Variants in RARB observed in about 807,000 individuals in gnomAD.
RARB encodes the protein HBV-activated protein.
A neutral mutation model predicts 51.9 loss-of-function variants in RARB; 17 were observed. The observed-to-expected ratio is 0.33, with a 90% CI of 0.22 to 0.49. The LOEUF is 0.49. RARB is among the 20% of genes least tolerant of loss of function. The probability of loss-of-function intolerance (pLI) is 0.99; values close to 1 mark genes in which losing one functional copy is unlikely to be tolerated. For synonymous variants in RARB, 215 were observed against 195.4 expected, an observed-to-expected ratio of 1.10 and a Z score of -0.84; for missense variants, 369 against 550.8, an observed-to-expected ratio of 0.67 and a Z score of 3.30.
At chr3:25,564,663 ATCTTG>A (rs1481525058) in intron 3 of RARB, among the ~76,000 whole-genome samples, 1 of 152,130 alleles carries the variant, frequency 6.6e-6, no homozygotes, top group Non-Finnish European at 1.5e-5. Flanking sequence ...TGTGGGTCGG[ATCTTG>A]TATTAAGCCC....
intron 2 of RARB, among the ~76,000 whole-genome samples, chr3:24,939,636 G>A (rs1387308041): frequency 1.3e-5 from 2 of 152,166 alleles, no homozygotes; most frequent in African/African-American, 4.8e-5. Context: ...CTCATATACA[G>A]CACATTTTGG....
At chr3:24,971,563 C>T (rs571981490) in intron 2 of RARB, among the ~76,000 whole-genome samples, 9 of 152,006 alleles carry the variant, frequency 5.9e-5, no homozygotes, top group South Asian at 4.2e-4. Flanking sequence ...TCTTTAAATG[C>T]CAAAGCTAAG....
intron 5 of RARB, among the ~76,000 whole-genome samples, chr3:25,176,082 T>C (rs1033111060): frequency 6.6e-6 from 1 of 152,174 alleles, no homozygotes; most frequent in African/African-American, 2.4e-5. Flanking sequence ...TCAACTGGCC[T>C]GACAGCACAT....
chr3:25,381,952 A>G (rs1006246320), intron 5 of RARB, among the ~76,000 whole-genome samples: 17 of 152,106 alleles, frequency 1.1e-4, no homozygotes, highest in Non-Finnish European at 2.2e-4. Flanking sequence ...CTCCATCTCA[A>G]TCCCTCACCA....
Position 25,154,943 on chromosome 3 carries a change from C to T in RARB, c.-279-19176C>T, listed in dbSNP as rs144536085. ...AGGGGTGGCATGAGCATGGCTTTTACTTTTGTATTCCAACATCCAATGTAG... is the reference window on the plus strand; with the variant it reads ...AGGGGTGGCATGAGCATGGCTTTTATTTTTGTATTCCAACATCCAATGTAG... On this transcript the variant is annotated intron_variant, in intron 4 of 11. Transcript: ENST00000383772. Among the ~76,000 whole-genome samples the T allele has an allele frequency of 2.1e-3, 322 of 152,282 alleles. 2 individuals carry two copies. Among genetic ancestry groups the T allele is most frequent in the East Asian group, 0.02 (106 of 5,182 alleles).
intron 3 of RARB, among the ~76,000 whole-genome samples, chr3:25,566,631 G>C (rs961575423): frequency 3.3e-5 from 5 of 152,124 alleles, no homozygotes; most frequent in African/African-American, 4.8e-5. Flanking sequence ...GCTTGGTTCA[G>C]TTACTTCATG....
Position 24,866,426 on chromosome 3 carries a change from AC to A in RARB, c.-380+7677del, listed in dbSNP as rs145933926. On this transcript the variant is annotated intron_variant, in intron 2 of 11. Coordinates refer to the RARB transcript ENST00000383772. ...ATGTATACAGGGAAAGAAGCTAATG[AC>A]CCGTTGTAACACAAGGCAAGGCACT... Among the ~76,000 whole-genome samples the A allele has an allele frequency of 4.6e-5, 7 of 152,204 alleles. No individual in the cohort carries two copies. In the East Asian group the frequency reaches 1.4e-3, roughly 29 times the overall value.
chr3:25,115,570 C>A (rs1699671388), intron 3 of RARB, among the ~76,000 whole-genome samples: 1 of 151,818 alleles, frequency 6.6e-6, no homozygotes, highest in African/African-American at 2.4e-5. Flanking sequence ...CCCCTCCCCT[C>A]CTCTCCTTTC....
At chr3:24,913,157 T>C (rs112600300) in intron 2 of RARB, among the ~76,000 whole-genome samples, 9,113 of 151,658 alleles carry the variant, frequency 0.06, 398 homozygotes, top group Non-Finnish European at 0.099. Context: ...ATTTTGTTTT[T>C]GTATTTTTAG....
intron 5 of RARB, among the ~76,000 whole-genome samples, chr3:25,588,849 GAGATTCA>G (rs1415388184): frequency 3.3e-5 from 5 of 152,178 alleles, no homozygotes; most frequent in African/African-American, 1.2e-4. Context: ...CCCAGAGCAA[GAGATTCA>G]AGAGACAGCA....
intron 3 of RARB, among the ~76,000 whole-genome samples, chr3:25,067,632 C>G (rs62228539): frequency 6.6e-6 from 1 of 152,082 alleles, no homozygotes; most frequent in African/African-American, 2.4e-5. Flanking sequence ...AGTACCATAC[C>G]TACCCTGTAA....
At chr3:25,321,675 C>A (rs1704574167) in intron 5 of RARB, among the ~76,000 whole-genome samples, 1 of 151,760 alleles carries the variant, frequency 6.6e-6, no homozygotes, top group African/African-American at 2.4e-5. Flanking sequence ...CGAGATCATG[C>A]CACTGTATCC....
intron 2 of RARB, among the ~76,000 whole-genome samples, chr3:24,877,478 C>T (rs559918399): frequency 6.7e-6 from 1 of 150,256 alleles, no homozygotes; most frequent in East Asian, 2.0e-4. Flanking sequence ...TGTTGAAAGG[C>T]TATAAAAGAA....
At chr3:25,489,179 T>C (rs1457799545) in intron 2 of RARB, among the ~76,000 whole-genome samples, 1 of 152,244 alleles carries the variant, frequency 6.6e-6, no homozygotes, top group Non-Finnish European at 1.5e-5. Flanking sequence ...TCATGTTGTT[T>C]AAAAGAACTT....
At chr3:25,223,821 C>A (rs1179583674) in intron 5 of RARB, among the ~76,000 whole-genome samples, 1 of 152,240 alleles carries the variant, frequency 6.6e-6, no homozygotes, top group African/African-American at 2.4e-5. Context: ...ATTTTTAGCA[C>A]TATCACCCGA....
Position 25,428,669 on chromosome 3 carries a change from A to G in RARB, c.-63A>G. 5 of 1,533,062 alleles carry G rather than the reference A, an allele frequency of 3.3e-6. No homozygotes were observed. Among genetic ancestry groups the G allele is most frequent in the South Asian group, 2.5e-5 (2 of 79,730 alleles). 95.0% of individuals were successfully genotyped at this position (1,533,062 alleles called of 1,614,324 possible). The stretch of plus-strand genomic sequence containing the variant: ...TTGATGGAGTTGGGTGGACTTTTCT[A>G]TGCCATTTGCCTCCACACCTAGAGG... On this transcript the variant is annotated 5_prime_UTR_variant, in exon 1 of 8. It removes an upstream start codon present in the reference 5' UTR. Coordinates refer to ENST00000330688, the MANE Select transcript of RARB (RefSeq NM_000965.5).
chr3:24,891,982 G>A (rs1230976062), intron 2 of RARB, among the ~76,000 whole-genome samples: 1 of 152,150 alleles, frequency 6.6e-6, no homozygotes, highest in Non-Finnish European at 1.5e-5. Context: ...TGGTTGGCAT[G>A]TGAGACTAGA....
chr3:24,967,412 T>A (rs983567675), intron 2 of RARB, among the ~76,000 whole-genome samples: 1 of 152,174 alleles, frequency 6.6e-6, no homozygotes, highest in Non-Finnish European at 1.5e-5. Flanking sequence ...AAATTCTAAG[T>A]AGCCGTTTTG....
chr3:25,039,768 G>A (rs1559443995), intron 2 of RARB, among the ~76,000 whole-genome samples: 3 of 152,200 alleles, frequency 2.0e-5, no homozygotes. Context: ...AGTCCCCAGT[G>A]TGAAGAGCTG....
Sources: gnomAD v4.1 joint callset for allele counts (sites outside exome capture counted in the v4.1 genomes callset) on GRCh38, gnomAD v4.1.1 for gene constraint, MANE v1.5 for transcripts, NCBI Gene and HGNC (gene_info 2026-07-23, HGNC 2026-07-21) for gene names.